Variants in NMBR observed in about 807,000 individuals in gnomAD.
NMBR encodes the protein neuromedin-B receptor.
NMBR carries 16 observed loss-of-function variants against 20.5 expected under a neutral mutation model. That is an observed-to-expected ratio of 0.78 (90% CI 0.53 to 1.19). The LOEUF (loss-of-function observed/expected upper bound fraction) is 1.19, where lower values mean the gene tolerates loss of function less well. Ranked by LOEUF, NMBR falls within the 50% of genes most tolerant of loss-of-function variation. The pLI is 0.00. For missense variants in NMBR, 582 were observed against 499.1 expected (o/e 1.17, Z -1.58); for synonymous variants, 212 against 196.6 (o/e 1.08, Z -0.65).
intron 1 of NMBR, among the ~76,000 whole-genome samples, chr6:142,099,935 T>C (rs1397324312): frequency 6.6e-6 from 1 of 152,186 alleles, no homozygotes; most frequent in Non-Finnish European, 1.5e-5. Flanking sequence ...CCAAAGAAGA[T>C]ACACAAGTGT....
intron 1 of NMBR, among the ~76,000 whole-genome samples, chr6:142,104,075 G>C (rs919673805): frequency 6.6e-5 from 10 of 152,128 alleles, no homozygotes; most frequent in Non-Finnish European, 1.5e-4. Flanking sequence ...GGAAATAACT[G>C]ACTATGTCGG....
chr6:142,132,306 T>C (rs543445204), intron 1 of NMBR, among the ~76,000 whole-genome samples: 1 of 152,316 alleles, frequency 6.6e-6, no homozygotes, highest in African/African-American at 2.4e-5. Flanking sequence ...AGCAGATATG[T>C]AAGTCAGAAG....
intron 1 of NMBR, among the ~76,000 whole-genome samples, chr6:142,104,847 G>C (rs1026391773): frequency 6.6e-6 from 1 of 152,192 alleles, no homozygotes; most frequent in Non-Finnish European, 1.5e-5. Flanking sequence ...GAGTAATAAA[G>C]CTTTTTAATC....
chr6:142,143,252 TG>T (rs1313886015), intron 1 of NMBR, among the ~76,000 whole-genome samples: 4 of 152,222 alleles, frequency 2.6e-5, no homozygotes, highest in African/African-American at 9.6e-5. Context: ...TACGAAACAG[TG>T]ATGAAAATAA....
At chr6:142,135,039 A>T in intron 1 of NMBR, 1 of 446,538 alleles carries the variant, frequency 2.2e-6, no homozygotes, top group Admixed American at 4.0e-5. Context: ...ATTTTTGTCT[A>T]CTATAAAATA....
intron 1 of NMBR, among the ~76,000 whole-genome samples, chr6:142,145,020 T>TGAAAA (rs71840613): frequency 1.0e-5 from 1 of 97,636 alleles, no homozygotes; most frequent in Non-Finnish European, 1.9e-5. Flanking sequence ...AGAACCTGTC[T>TGAAAA]AAAAAAAAAA....
intron 1 of NMBR, among the ~76,000 whole-genome samples, chr6:142,123,838 C>T (rs1336997554): frequency 6.6e-6 from 1 of 151,934 alleles, no homozygotes; most frequent in Non-Finnish European, 1.5e-5. Flanking sequence ...AGAGGTGGCA[C>T]ACCCATAAGC....
intron 1 of NMBR, among the ~76,000 whole-genome samples, chr6:142,100,949 A>G (rs1384459058): frequency 6.6e-6 from 1 of 152,250 alleles, no homozygotes; most frequent in Non-Finnish European, 1.5e-5. Flanking sequence ...ATGTCTGTTA[A>G]AAGAGAATTA....
intron 1 of NMBR, among the ~76,000 whole-genome samples, chr6:142,126,617 C>T (rs1778042884): frequency 6.6e-6 from 1 of 151,728 alleles, no homozygotes; most frequent in Admixed American, 6.6e-5. Flanking sequence ...GAAGTGATAT[C>T]TTATTGTGAT....
chr6:142,133,125 C>A, intron 1 of NMBR: 1 of 650,478 alleles, frequency 1.5e-6, no homozygotes, highest in Non-Finnish European at 2.8e-6. Context: ...CAAGAATTAA[C>A]CAACAGGAAT....
intron 1 of NMBR, among the ~76,000 whole-genome samples, chr6:142,100,767 T>C (rs371218307): frequency 6.6e-6 from 1 of 152,094 alleles, no homozygotes; most frequent in African/African-American, 2.4e-5. Flanking sequence ...ATGAGGAAAA[T>C]TGATAATGGG....
At chr6:142,086,639 C>G (rs1487806694) in intron 2 of NMBR, among the ~76,000 whole-genome samples, 3 of 152,000 alleles carry the variant, frequency 2.0e-5, no homozygotes, top group African/African-American at 7.3e-5. Flanking sequence ...ATTGTTATTA[C>G]TAAAGTATTC....
rs143586294 is a variant in NMBR, at chr6:142,134,023, C to A, written c.-664+13021G>T. The A allele has an allele frequency of 1.0e-4, 70 of 693,658 alleles. No individual in the cohort carries two copies. The East Asian group carries it at 1.9e-3, about 18-fold the overall frequency. 43.0% of individuals were successfully genotyped at this position (693,658 alleles called of 1,614,324 possible). On this transcript the variant is annotated intron_variant, in intron 1 of 3. Transcript: ENST00000258042. ...TCTGTTACAATCAGTTCAGGCCAAT[C>A]ACTCCACAAGTAAGTTTTTCTGTGT...
intron 1 of NMBR, among the ~76,000 whole-genome samples, chr6:142,141,633 T>C (rs955340639): frequency 2.0e-5 from 3 of 151,492 alleles, no homozygotes; most frequent in Admixed American, 2.0e-4. Context: ...GCCTCCCGAA[T>C]AGCTGGGATT....
chr6:142,146,371 T>A (rs1016716818), intron 1 of NMBR, among the ~76,000 whole-genome samples: 6 of 152,050 alleles, frequency 3.9e-5, no homozygotes, highest in African/African-American at 1.2e-4. Context: ...AACTGAGGAC[T>A]GAGATAAAAT....
chr6:142,098,772 T>C (rs1459428469), intron 1 of NMBR, among the ~76,000 whole-genome samples: 1 of 152,186 alleles, frequency 6.6e-6, no homozygotes, highest in Non-Finnish European at 1.5e-5. Flanking sequence ...TTCAATGCTA[T>C]CTTAATCATA....
intron 1 of NMBR, among the ~76,000 whole-genome samples, chr6:142,130,579 A>G (rs976796221): frequency 1.3e-5 from 2 of 152,164 alleles, no homozygotes; most frequent in African/African-American, 4.8e-5. Context: ...AAAACTAAGT[A>G]TATTAAATCT....
intron 1 of NMBR, among the ~76,000 whole-genome samples, chr6:142,115,887 C>T (rs556561646): frequency 6.6e-6 from 1 of 152,074 alleles, no homozygotes; most frequent in East Asian, 1.9e-4. Context: ...GCTGTGTCCC[C>T]ATCCAAATCT....
chr6:142,146,850 G>T (rs1474701119), intron 1 of NMBR, among the ~76,000 whole-genome samples, 194 bp downstream of exon 1: 1 of 152,148 alleles, frequency 6.6e-6, no homozygotes, highest in Non-Finnish European at 1.5e-5. Context: ...AAAGGACACT[G>T]CTATATGGAA....
Sources: allele counts gnomAD v4.1 joint callset (sites outside exome capture counted in the v4.1 genomes callset), GRCh38; gene constraint gnomAD v4.1.1; transcripts MANE v1.5; gene names NCBI Gene and HGNC (gene_info 2026-07-23, HGNC 2026-07-21).